Variants in CD27 observed in about 807,000 individuals in gnomAD.
The protein encoded by CD27 is CD27 antigen.
CD27 carries 16 observed loss-of-function variants against 25.9 expected under a neutral mutation model. That is an observed-to-expected ratio of 0.62 (90% CI 0.42 to 0.94). The LOEUF (loss-of-function observed/expected upper bound fraction) is 0.94, where lower values mean the gene tolerates loss of function less well. CD27 is among the 40% of genes least tolerant of loss of function. The pLI is 0.00. For synonymous variants in CD27, 142 were observed against 124.3 expected (o/e 1.14, Z -0.95); for missense variants, 300 against 333.2 (o/e 0.90, Z 0.78).
In CD27 at chr12:6,451,437, C is replaced by T; in HGVS notation, c.*45C>T. 1 of 1,585,376 alleles carries T rather than the reference C, an allele frequency of 6.3e-7. No individual in the cohort carries two copies. The highest frequency in any genetic ancestry group is 8.6e-7 in the Non-Finnish European group (1 of 1,166,988). ...GCACTACAGCCCTGGCCTCCACCCC[C>T]ACCCCGCCGACCATCCAAGGGAGAG... On this transcript the variant is annotated 3_prime_UTR_variant, in exon 6 of 6. Coordinates refer to ENST00000266557, the MANE Select transcript of CD27 (RefSeq NM_001242.5).
upstream of CD27, among the ~76,000 whole-genome samples, chr12:6,444,627 T>C (rs892454376): frequency 1.7e-5 from 2 of 116,266 alleles, no homozygotes; most frequent in African/African-American, 6.7e-5. Context: ...ACAGGAGTCC[T>C]GCGAATTCGT....
intron 2 of CD27, chr12:6,447,908 T>G (rs1217359190): frequency 6.6e-6 from 1 of 152,310 alleles, no homozygotes; most frequent in Non-Finnish European, 1.5e-5. Flanking sequence ...GCAGCTTCTT[T>G]AACCCCTCCA....
intron 2 of CD27, among the ~76,000 whole-genome samples, chr12:6,449,606 T>C (rs1949482139): frequency 6.6e-6 from 1 of 152,174 alleles, no homozygotes; most frequent in Non-Finnish European, 1.5e-5. Flanking sequence ...CCCAACACTT[T>C]GGGAGGCTGA....
chr12:6,445,617 G>A lies in CD27; in HGVS notation c.268+62G>A. ...ACAAGCATCTGGGGGAGCAAGGCTG[G>A]TGACGGGTTTGGGGGTGCAAGGAGG... On this transcript the variant is annotated intron_variant, in intron 2 of 5. Transcript: ENST00000266557. This position sits in a 1 kb window ranked among gnomAD's most constrained non-coding sequence, Gnocchi z 4.5. The A allele has an allele frequency of 1.3e-6, 2 of 1,581,780 alleles. No individual in the cohort carries two copies. The highest frequency in any genetic ancestry group is 1.7e-6 in the Non-Finnish European group (2 of 1,166,312).
In CD27 at chr12:6,450,733, GA is replaced by G; in HGVS notation, c.538+108del. 2.8e-6 allele frequency: 4 copies of G among 1,418,404 alleles called. No individual in the cohort carries two copies. Among genetic ancestry groups the G allele is most frequent in the Non-Finnish European group, 3.9e-6 (4 of 1,021,484 alleles). The allele number at this position is 1,418,404 out of a possible 1,614,324, so 87.9% of individuals were successfully genotyped here. The stretch of plus-strand genomic sequence containing the variant: ...CCTAGGATTAGGGATAAGAGGAGGG[GA>G]AAAAGCAGAGTCCACTGTTTAGGAG... On this transcript the variant is annotated intron_variant, in intron 4 of 5. Coordinates refer to ENST00000266557, the MANE Select transcript of CD27 (RefSeq NM_001242.5). The surrounding 1 kb of genome is among the most constrained non-coding windows in gnomAD (Gnocchi z 4.1).
rs398122933 is a variant in CD27 at position 6,445,119 on chromosome 12, G to A, written c.24G>A (p.Trp8Ter). The change falls in exon 1 of 6, where the codon TGG becomes TGA. Residue 8 changes from tryptophan to a stop codon, truncating the protein, a stop_gained. Coordinates refer to ENST00000266557, the MANE Select transcript of CD27 (RefSeq NM_001242.5). LOFTEE classifies it high-confidence loss of function. The surrounding 1 kb of genome is among the most constrained non-coding windows in gnomAD (Gnocchi z 4.5). Reference sequence around the variant, plus strand: ...CCATGGCACGGCCACATCCCTGGTGGCTGTGCGTTCTGGGGACCCTGGTGG... The same window carrying A: ...CCATGGCACGGCCACATCCCTGGTGACTGTGCGTTCTGGGGACCCTGGTGG... MARPHPW[W>*]LCVLGTLVGL... The A allele has an allele frequency of 1.2e-6, 2 of 1,606,410 alleles. No individual in the cohort carries two copies. The highest frequency in any genetic ancestry group is 1.1e-5 in the South Asian group (1 of 89,974).
rs748704731 is a variant in CD27 at position 6,446,098 on chromosome 12, T to A, written c.268+543T>A. Among the ~76,000 whole-genome samples the A allele has an allele frequency of 9.2e-5, 14 of 152,358 alleles. 1 individual carries two copies. Among genetic ancestry groups the A allele is most frequent in the Middle Eastern group, 6.8e-3 (2 of 294 alleles). On this transcript the variant is annotated intron_variant, in intron 2 of 5. Transcript: ENST00000266557. ...CTAAGAAGTATAATATCTGCAGTTG[T>A]GCTTATGAATGCTGTTATTATTTCT...
chr12:6,451,629 G>C lies in CD27; in HGVS notation c.*237G>C, dbSNP rs1395161722. The C allele has an allele frequency of 3.1e-5, 15 of 482,682 alleles. No individual in the cohort carries two copies. Among genetic ancestry groups the C allele is most frequent in the Non-Finnish European group, 5.5e-5 (15 of 272,542 alleles). 29.9% of individuals were successfully genotyped at this position (482,682 alleles called of 1,614,324 possible). A position where few individuals can be genotyped will look rare whatever the true frequency, so the allele number is the denominator to read the frequency against. On this transcript the variant is annotated 3_prime_UTR_variant, in exon 6 of 6. Coordinates refer to ENST00000266557, the MANE Select transcript of CD27 (RefSeq NM_001242.5). ...AGCTGCGCCTGCGCTGCAGGAGGGC[G>C]GGGGCTCTGGTTGTAAAACACACTT...
chr12:6,450,724 AGAG>A lies in CD27; in HGVS notation c.538+99_538+101del, dbSNP rs1949522713. On this transcript the variant is annotated intron_variant, in intron 4 of 5. Transcript: ENST00000266557. The surrounding 1 kb of genome is among the most constrained non-coding windows in gnomAD (Gnocchi z 4.1). The stretch of plus-strand genomic sequence containing the variant: ...CAGAAAGCTCCTAGGATTAGGGATA[AGAG>A]GAGGGGAAAAAGCAGAGTCCACTGT... 1.4e-6 allele frequency: 2 copies of A among 1,422,892 alleles called. No homozygotes were observed. Among genetic ancestry groups the A allele is most frequent in the Non-Finnish European group, 2.0e-6 (2 of 1,022,688 alleles). 88.1% of individuals were successfully genotyped at this position (1,422,892 alleles called of 1,614,324 possible).
At chr12:6,446,960 C>T (rs1435165753) in intron 2 of CD27, 1 of 152,040 alleles carries the variant, frequency 6.6e-6, no homozygotes, top group Non-Finnish European at 1.5e-5. Flanking sequence ...GTGGCACGAA[C>T]CTGTAGTCCC....
At chr12:6,447,819 T>C (rs1464723425) in intron 2 of CD27, 2 of 149,588 alleles carry the variant, frequency 1.3e-5, no homozygotes, top group Non-Finnish European at 3.0e-5. Context: ...GTGTGTGATG[T>C]TCCCCTTCCT....
intron 2 of CD27, among the ~76,000 whole-genome samples, chr12:6,446,049 C>T (rs564599498): frequency 6.6e-6 from 1 of 151,418 alleles, no homozygotes; most frequent in East Asian, 1.9e-4. Flanking sequence ...TTTTATAGTT[C>T]CAAAAAAAAA....
chr12:6,447,551 G>C (rs1257824045), intron 2 of CD27: 2 of 152,178 alleles, frequency 1.3e-5, no homozygotes, highest in Non-Finnish European at 2.9e-5. Flanking sequence ...TTTGAGCCCA[G>C]GTTATACCTG....
Position 6,444,959 on chromosome 12 carries a change from A to C in CD27, c.-137A>C. The C allele has an allele frequency of 1.1e-6, 1 of 920,540 alleles. No homozygotes were observed. Among genetic ancestry groups the C allele is most frequent in the South Asian group, 1.9e-5 (1 of 53,634 alleles). 57.0% of individuals were successfully genotyped at this position (920,540 alleles called of 1,614,324 possible). On this transcript the variant is annotated 5_prime_UTR_variant, in exon 1 of 6. Coordinates refer to ENST00000266557, the MANE Select transcript of CD27 (RefSeq NM_001242.5). ...CAGCCACAATAGAGATTCTGCCTTCAAAGGTTGGCTTGCCACCTGAAGCAG... is the reference window on the plus strand; with the variant it reads ...CAGCCACAATAGAGATTCTGCCTTCCAAGGTTGGCTTGCCACCTGAAGCAG...
rs571145229 is a variant in CD27, at chr12:6,445,124, G to A, written c.29G>A (p.Cys10Tyr). 3 of 1,606,712 alleles carry A rather than the reference G, an allele frequency of 1.9e-6. No individual in the cohort carries two copies. Among genetic ancestry groups the A allele is most frequent in the South Asian group, 2.2e-5 (2 of 90,010 alleles). The change falls in exon 1 of 6, where the codon TGC becomes TAC. Residue 10 changes from cysteine (C) to tyrosine (Y), a missense_variant. Coordinates refer to ENST00000266557, the MANE Select transcript of CD27 (RefSeq NM_001242.5). The surrounding 1 kb of genome is among the most constrained non-coding windows in gnomAD (Gnocchi z 4.5). The part of the protein sequence containing the change: MARPHPWWL[C>Y]VLGTLVGLSA... Reference sequence around the variant, plus strand: ...GCACGGCCACATCCCTGGTGGCTGTGCGTTCTGGGGACCCTGGTGGGGCTC... The same window carrying A: ...GCACGGCCACATCCCTGGTGGCTGTACGTTCTGGGGACCCTGGTGGGGCTC...
At position 6,450,180 on chromosome 12, in the gene CD27, C is replaced by T. The variant is rs753167393; in HGVS notation, c.276C>T (p.Leu92=). 3.7e-6 allele frequency: 6 copies of T among 1,611,798 alleles called. No homozygotes were observed. Among genetic ancestry groups the T allele is most frequent in the Admixed American group, 1.7e-5 (1 of 60,002 alleles). The change falls in exon 3 of 6, where the codon CTC becomes CTT. Residue 92 remains leucine (L), a synonymous_variant. Coordinates refer to ENST00000266557, the MANE Select transcript of CD27 (RefSeq NM_001242.5). The surrounding 1 kb of genome is among the most constrained non-coding windows in gnomAD (Gnocchi z 4.1). ...GGGCCTCTCTTCCCCCAGGTCTTCT[C>T]GTTCGCAACTGCACCATCACTGCCA... is the stretch of plus-strand genomic sequence containing the variant. ...ESCRHCNSGL[L]VRNCTITANA... is the part of the protein sequence containing the mutation.
rs73054312 is a variant in CD27 at position 6,445,304 on chromosome 12, C to T, written c.136+73C>T. The T allele has an allele frequency of 3.2e-5, 52 of 1,608,458 alleles. No individual in the cohort carries two copies. Among genetic ancestry groups the T allele is most frequent in the Non-Finnish European group, 4.2e-5 (49 of 1,176,684 alleles). On this transcript the variant is annotated intron_variant, in intron 1 of 5. Transcript: ENST00000266557. This position sits in a 1 kb window ranked among gnomAD's most constrained non-coding sequence, Gnocchi z 4.5. ...GACTGGGGTTAATACAGTAAATAGG[C>T]GCAGGGTGAGACTGAGCTCAAGCAA...
intron 2 of CD27, among the ~76,000 whole-genome samples, chr12:6,446,587 T>C (rs1281198813): frequency 3.3e-5 from 5 of 151,978 alleles, no homozygotes; most frequent in African/African-American, 1.2e-4. Context: ...GCCCAGGAGC[T>C]TGAGACCAGC....
At position 6,451,280 on chromosome 12, in the gene CD27, G is replaced by A. The variant is rs149579617; in HGVS notation, c.671G>A (p.Ser224Asn). ...TCTCCTTCTGCAGACAAAGGAGAAAGTCCTGTGGAGCCTGCAGAGCCTTGT... is the reference window on the plus strand; with the variant it reads ...TCTCCTTCTGCAGACAAAGGAGAAAATCCTGTGGAGCCTGCAGAGCCTTGT... The part of the protein sequence containing the change: ...RRKYRSNKGE[S>N]PVEPAEPCHY... Residue 224 changes from serine (S) to asparagine (N), a missense_variant, in exon 6 of 6, where the codon AGT (serine) becomes AAT (asparagine). By Grantham distance (46) the Ser-to-Asn change is conservative. Coordinates refer to ENST00000266557, the MANE Select transcript of CD27 (RefSeq NM_001242.5). 8 of 1,613,964 alleles carry A rather than the reference G, an allele frequency of 5.0e-6. No individual in the cohort carries two copies. The highest frequency in any genetic ancestry group is 3.3e-5 in the Admixed American group (2 of 59,984).
Sources: gnomAD v4.1 joint callset for allele counts (sites outside exome capture counted in the v4.1 genomes callset) on GRCh38, gnomAD v4.1.1 for gene constraint, Gnocchi (gnomAD v3.1) non-coding constraint, MANE v1.5 for transcripts, NCBI Gene and HGNC (gene_info 2026-07-23, HGNC 2026-07-21) for gene names.